Variants in OAT observed in about 807,000 individuals in gnomAD.
The protein encoded by OAT is ornithine aminotransferase.
Under a neutral mutation model 48.4 loss-of-function variants are expected in OAT, and 35 were observed. The observed-to-expected ratio is 0.72, with a 90% CI of 0.55 to 0.96. The LOEUF (loss-of-function observed/expected upper bound fraction) is 0.96, where lower values mean the gene tolerates loss of function less well. OAT is among the 40% of genes least tolerant of loss of function. OAT has a pLI of 0.00. For synonymous variants in OAT, 182 were observed against 198.4 expected, an observed-to-expected ratio of 0.92 and a Z score of 0.70; for missense variants, 438 against 537.9, an observed-to-expected ratio of 0.81 and a Z score of 1.84.
At chr10:124,415,075 A>AAC (rs1951880708) in intron 1 of OAT, 1 of 61,638 alleles carries the variant, frequency 1.6e-5, no homozygotes, top group Admixed American at 1.5e-4. Context: ...ACAAAGCGCT[A>AAC]AAAAAAAAAA....
At position 124,415,059 on chromosome 10, in the gene OAT, T is replaced by C. The variant is rs549413354; in HGVS notation, c.-29-2859A>G. 268 of 37,038 alleles carry C rather than the reference T, an allele frequency of 7.2e-3. 15 individuals are homozygous for C. The highest frequency in any genetic ancestry group is 0.037 in the African/African-American group (256 of 6,998). 2.3% of individuals were successfully genotyped at this position (37,038 alleles called of 1,614,324 possible). ...GATCTGTGCCACCAGCACTCCAGCCTGGGCTACAAAGCGCTAAAAAAAAAA... is the reference window on the plus strand; with the variant it reads ...GATCTGTGCCACCAGCACTCCAGCCCGGGCTACAAAGCGCTAAAAAAAAAA... On this transcript the variant is annotated intron_variant, in intron 1 of 9. Transcript: ENST00000368845.
chr10:124,415,223 G>A (rs1345785887), intron 1 of OAT, among the ~76,000 whole-genome samples: 2 of 151,482 alleles, frequency 1.3e-5, no homozygotes, highest in South Asian at 2.1e-4. Context: ...TTAAGTTTAG[G>A]CAGTTTTATT....
chr10:124,400,400 A>G (rs1951369811), intron 9 of OAT, among the ~76,000 whole-genome samples: 1 of 150,888 alleles, frequency 6.6e-6, no homozygotes, highest in African/African-American at 2.4e-5. Context: ...GTCAGCCAAA[A>G]TGGCGCCATT....
At chr10:124,403,322 G>T in intron 6 of OAT, 1 of 536,536 alleles carries the variant, frequency 1.9e-6, no homozygotes, top group East Asian at 3.3e-5. Context: ...CTGATGCAAA[G>T]GTGAGGGTTT....
intron 1 of OAT, among the ~76,000 whole-genome samples, chr10:124,418,581 C>A (rs1054373402): frequency 6.6e-6 from 1 of 152,162 alleles, no homozygotes; most frequent in Non-Finnish European, 1.5e-5. Flanking sequence ...GTCGGCCGCT[C>A]TGGGCTGGAA....
rs557358933 is a variant in OAT, at chr10:124,411,650, T to C, written c.199+323A>G. Reference sequence around the variant, plus strand: ...GGCCAACATGGTGAAACCCCATCTCTACTAAAAATACAAAAATTAGCTGGG... The same window carrying C: ...GGCCAACATGGTGAAACCCCATCTCCACTAAAAATACAAAAATTAGCTGGG... On this transcript the variant is annotated intron_variant, in intron 2 of 9. Coordinates refer to ENST00000368845, the MANE Select transcript of OAT (RefSeq NM_000274.4). 3.7e-4 allele frequency among the ~76,000 whole-genome samples: 57 copies of C among 152,166 alleles called. 1 individual carries two copies. The South Asian group carries it at 0.011, about 30-fold the overall frequency.
At chr10:124,401,014 T>G (rs752017180) in intron 8 of OAT, 30 bp from the exon 9 acceptor site, 5 of 1,567,534 alleles carry the variant, frequency 3.2e-6, no homozygotes, top group Non-Finnish European at 4.4e-6. Context: ...ATACAAATAT[T>G]AAGACTGTCC....
intron 5 of OAT, among the ~76,000 whole-genome samples, chr10:124,404,388 C>T (rs1404911443): frequency 6.6e-6 from 1 of 151,956 alleles, no homozygotes; most frequent in Non-Finnish European, 1.5e-5. Flanking sequence ...CTGCCTCAGC[C>T]TCCCAAGTAG....
At chr10:124,410,623 T>C (rs1024566152) in intron 2 of OAT, among the ~76,000 whole-genome samples, 1 of 151,962 alleles carries the variant, frequency 6.6e-6, no homozygotes, top group Non-Finnish European at 1.5e-5. Flanking sequence ...CTGGGCAACA[T>C]AGCAAAATCT....
chr10:124,408,965 C>G lies in OAT; in HGVS notation c.200G>C (p.Gly67Ala), dbSNP rs1389990188. Residue 67 changes from glycine (G) to alanine (A), a missense_variant and splice_region_variant, in exon 3 of 10, where the codon GGT becomes GCT. By Grantham distance (60) the Gly-to-Ala change is moderately conservative. Coordinates refer to ENST00000368845, the MANE Select transcript of OAT (RefSeq NM_000274.4). Reference protein sequence around the residue: ...PLPVALERGKGIYLWDVEGRK... With the variant: ...PLPVALERGKAIYLWDVEGRK... ...GCCTTCTACATCCCATAAGTAAATA[C>G]CTAAAATACATAAGAAAGGAAAATA... The G allele has an allele frequency of 6.2e-7, 1 of 1,606,000 alleles. No individual in the cohort carries two copies. Among genetic ancestry groups the G allele is most frequent in the Non-Finnish European group, 8.5e-7 (1 of 1,172,828 alleles).
At chr10:124,407,546 A>ACCAAT (rs2134471682) in intron 4 of OAT, 1 of 650,032 alleles carries the variant, frequency 1.5e-6, no homozygotes, top group East Asian at 1.4e-4. Flanking sequence ...CTTTGGGAAT[A>ACCAAT]CCAATCTGTC....
intron 4 of OAT, among the ~76,000 whole-genome samples, chr10:124,407,634 A>G (rs960760372): frequency 4.6e-5 from 7 of 152,332 alleles, no homozygotes; most frequent in Non-Finnish European, 1.0e-4. Context: ...ATTTAACTGC[A>G]TGTGTTCACA....
intron 1 of OAT, among the ~76,000 whole-genome samples, chr10:124,415,939 G>GAC (rs1951905689): frequency 6.6e-6 from 1 of 152,046 alleles, no homozygotes; most frequent in South Asian, 2.1e-4. Flanking sequence ...TGTTTAAAAA[G>GAC]ACACACACAC....
chr10:124,406,677 G>A lies in OAT; in HGVS notation c.521-1114C>T, dbSNP rs139867902. 8.2e-3 allele frequency among the ~76,000 whole-genome samples: 1,243 copies of A among 151,626 alleles called. 14 individuals carry two copies. Among genetic ancestry groups the A allele is most frequent in the African/African-American group, 0.025 (1,053 of 41,326 alleles). On this transcript the variant is annotated intron_variant, in intron 4 of 9. Transcript: ENST00000368845. ...CTAAAAATACAAAAATTAGCTGGGCGTGGTGGTGGGCGCCTGTAATCCCAG... is the reference window on the plus strand; with the variant it reads ...CTAAAAATACAAAAATTAGCTGGGCATGGTGGTGGGCGCCTGTAATCCCAG...
intron 8 of OAT, 152 bp downstream of exon 8, chr10:124,401,574 A>G (rs1362684191): frequency 5.9e-6 from 4 of 673,678 alleles, no homozygotes; most frequent in Non-Finnish European, 1.1e-5. Flanking sequence ...CTTTTTGAGA[A>G]TATCTTGTTC....
chr10:124,405,870 C>G, intron 4 of OAT: 1 of 1,201,208 alleles, frequency 8.3e-7, no homozygotes, highest in Non-Finnish European at 1.0e-6. Context: ...ATCCCCAACC[C>G]AAAACCAAGC....
At chr10:124,406,230 T>A in intron 4 of OAT, 1 of 637,600 alleles carries the variant, frequency 1.6e-6, no homozygotes, top group Non-Finnish European at 2.0e-6. Flanking sequence ...GTGGCTCACT[T>A]ATGTAATCCC....
intron 2 of OAT, among the ~76,000 whole-genome samples, chr10:124,409,316 G>A (rs1447523415): frequency 6.6e-6 from 1 of 152,208 alleles, no homozygotes; most frequent in African/African-American, 2.4e-5. Context: ...TGTAATCCTA[G>A]CACTTTGGGA....
chr10:124,418,447 C>A (rs577284658), intron 1 of OAT, among the ~76,000 whole-genome samples: 20 of 152,326 alleles, frequency 1.3e-4, no homozygotes, highest in African/African-American at 4.6e-4. Flanking sequence ...CGGGGCGCCT[C>A]GGGGTCTCTG....
Sources: gnomAD v4.1 joint callset for allele counts (sites outside exome capture counted in the v4.1 genomes callset) on GRCh38, gnomAD v4.1.1 for gene constraint, MANE v1.5 for transcripts, NCBI Gene and HGNC (gene_info 2026-07-23, HGNC 2026-07-21) for gene names.